The following SGCZ variants were observed in gnomAD, a reference collection of about 807,000 sequenced individuals.
SGCZ encodes the protein zeta-sarcoglycan.
A neutral mutation model predicts 41.3 loss-of-function variants in SGCZ; 40 were observed. The ratio of observed to expected loss-of-function variants is 0.97; its 90% CI spans 0.75 to 1.26. SGCZ has a LOEUF of 1.26. Among genes scored for constraint, SGCZ ranks in the 50% most tolerant of loss-of-function variants. SGCZ has a pLI of 0.00. For synonymous variants in SGCZ, 206 were observed against 137.5 expected (o/e 1.50, Z -3.49); for missense variants, 552 against 369.8 (o/e 1.49, Z -4.04).
intron 1 of SGCZ, among the ~76,000 whole-genome samples, chr8:15,106,179 C>A (rs1437788729): frequency 3.9e-5 from 6 of 152,000 alleles, no homozygotes; most frequent in Non-Finnish European, 5.9e-5. Flanking sequence ...TTAGTAGCAT[C>A]TTTTACTACT....
chr8:14,241,247 T>G (rs566119616), intron 3 of SGCZ, among the ~76,000 whole-genome samples: 6 of 151,952 alleles, frequency 3.9e-5, no homozygotes, highest in African/African-American at 1.4e-4. Flanking sequence ...GATATTTAAA[T>G]AGACATAGTA....
chr8:14,236,119 C>G (rs1375952582), intron 4 of SGCZ, among the ~76,000 whole-genome samples: 1 of 152,118 alleles, frequency 6.6e-6, no homozygotes, highest in Admixed American at 6.5e-5. Context: ...AGGTTAGGCC[C>G]GTTTCCATAG....
intron 3 of SGCZ, among the ~76,000 whole-genome samples, chr8:14,276,265 C>A (rs1800226915): frequency 6.6e-6 from 1 of 152,108 alleles, no homozygotes; most frequent in South Asian, 2.1e-4. Context: ...TTTACTTGAG[C>A]CTCAACTGAA....
chr8:14,715,745 T>C (rs1223703564), intron 1 of SGCZ, among the ~76,000 whole-genome samples: 2 of 152,128 alleles, frequency 1.3e-5, no homozygotes, highest in Admixed American at 1.3e-4. Flanking sequence ...AATAGAGATC[T>C]GTCAGAAGTA....
intron 2 of SGCZ, among the ~76,000 whole-genome samples, chr8:14,471,178 G>A (rs1045408729): frequency 1.3e-5 from 2 of 151,982 alleles, no homozygotes; most frequent in Admixed American, 1.3e-4. Flanking sequence ...CTAAAGCATG[G>A]CAATTTAATA....
intron 5 of SGCZ, among the ~76,000 whole-genome samples, chr8:14,131,201 G>A (rs1407474182): frequency 1.3e-5 from 2 of 152,108 alleles, no homozygotes; most frequent in Admixed American, 6.5e-5. Flanking sequence ...AAAAGATGCC[G>A]CTTCAGAGGT....
At chr8:14,913,284 A>G (rs2130779908) in intron 1 of SGCZ, among the ~76,000 whole-genome samples, 1 of 152,186 alleles carries the variant, frequency 6.6e-6, no homozygotes, top group East Asian at 1.9e-4. Flanking sequence ...AATGTGTAGA[A>G]AAATATGTAT....
chr8:14,827,941 T>C (rs1049872148), intron 1 of SGCZ, among the ~76,000 whole-genome samples: 2 of 152,146 alleles, frequency 1.3e-5, no homozygotes, highest in African/African-American at 2.4e-5. Context: ...GGAAAATATG[T>C]ATTATGAAAG....
At chr8:14,380,255 C>G (rs973087017) in intron 2 of SGCZ, among the ~76,000 whole-genome samples, 2 of 152,166 alleles carry the variant, frequency 1.3e-5, no homozygotes, top group African/African-American at 4.8e-5. Context: ...AGTACAGACA[C>G]TGTCACATCC....
intron 1 of SGCZ, among the ~76,000 whole-genome samples, chr8:14,880,735 T>C (rs541361313): frequency 1.3e-4 from 19 of 151,996 alleles, no homozygotes; most frequent in African/African-American, 4.6e-4. Flanking sequence ...TTCTCACTCA[T>C]AGGTGGGAAT....
intron 1 of SGCZ, among the ~76,000 whole-genome samples, chr8:14,798,366 C>T (rs1441710456): frequency 6.6e-6 from 1 of 152,152 alleles, no homozygotes; most frequent in African/African-American, 2.4e-5. Flanking sequence ...AGTTCTAAAA[C>T]TATTTATCAT....
rs141053242 is a variant in SGCZ, at chr8:15,218,719, A to G, written c.39+18866T>C. On this transcript the variant is annotated intron_variant, in intron 1 of 7. Transcript: ENST00000382080. Reference sequence around the variant, plus strand: ...TTTCACCAGCCCTCATGAACATATTAACAATAACTGAGTAATAATTGACGC... The same window carrying G: ...TTTCACCAGCCCTCATGAACATATTGACAATAACTGAGTAATAATTGACGC... Among the ~76,000 whole-genome samples the G allele has an allele frequency of 4.6e-4, 70 of 152,334 alleles. 1 individual carries two copies. The East Asian group carries it at 0.012, about 26-fold the overall frequency.
chr8:14,183,318 T>A (rs1270236865), intron 4 of SGCZ, among the ~76,000 whole-genome samples: 1 of 151,876 alleles, frequency 6.6e-6, no homozygotes, highest in Non-Finnish European at 1.5e-5. Flanking sequence ...ACACAGATTC[T>A]AGGTTTTCAG....
At chr8:14,332,677 T>A (rs1287306930) in intron 2 of SGCZ, 1 of 151,644 alleles carries the variant, frequency 6.6e-6, no homozygotes, top group East Asian at 1.9e-4. Context: ...AATAAATGAA[T>A]AAATCCAATG....
chr8:14,280,307 A>G (rs1467006457), intron 3 of SGCZ, among the ~76,000 whole-genome samples: 1 of 151,870 alleles, frequency 6.6e-6, no homozygotes, highest in South Asian at 2.1e-4. Flanking sequence ...TACAGGTAGT[A>G]ATATAAATTT....
intron 5 of SGCZ, among the ~76,000 whole-genome samples, chr8:14,110,476 G>A (rs938953341): frequency 6.6e-6 from 1 of 152,126 alleles, no homozygotes; most frequent in Non-Finnish European, 1.5e-5. Context: ...AAAACTGATA[G>A]AGGTCTCAAT....
intron 2 of SGCZ, among the ~76,000 whole-genome samples, chr8:14,499,336 A>G (rs1445757638): frequency 6.6e-6 from 1 of 151,984 alleles, no homozygotes; most frequent in East Asian, 1.9e-4. Context: ...CTTAACTTCA[A>G]TTATATTTTA....
intron 2 of SGCZ, among the ~76,000 whole-genome samples, chr8:14,460,706 G>C (rs2410191): frequency 2.0e-5 from 3 of 152,246 alleles, no homozygotes; most frequent in African/African-American, 7.2e-5. Flanking sequence ...TTGTGTATTA[G>C]ATCAAGAAAG....
intron 2 of SGCZ, among the ~76,000 whole-genome samples, chr8:14,370,000 TCTGGTTC>T (rs1461522974): frequency 6.6e-6 from 1 of 151,970 alleles, no homozygotes; most frequent in African/African-American, 2.4e-5. Context: ...ATATCCCACA[TCTGGTTC>T]CTGTGTCTTT....
Sources: allele counts gnomAD v4.1 joint callset (sites outside exome capture counted in the v4.1 genomes callset), GRCh38; gene constraint gnomAD v4.1.1; transcripts MANE v1.5; gene names NCBI Gene and HGNC (gene_info 2026-07-23, HGNC 2026-07-21).